Variants in CEP89 observed in about 807,000 individuals in gnomAD.
CEP89 encodes centrosomal protein of 89 kDa.
CEP89 carries 95 observed loss-of-function variants against 97.6 expected under a neutral mutation model. That is an observed-to-expected ratio of 0.97 (90% confidence interval 0.82 to 1.15). The LOEUF (loss-of-function observed/expected upper bound fraction) is 1.15. Ranked by LOEUF, CEP89 falls within the 50% of genes most tolerant of loss-of-function variation. CEP89 has a pLI of 0.00. For synonymous variants in CEP89, 354 were observed against 349.1 expected (o/e 1.01, Z -0.16); for missense variants, 869 against 947.7 (o/e 0.92, Z 1.09).
chr19:32,894,149 A>G (rs1223905837), intron 16 of CEP89, among the ~76,000 whole-genome samples: 1 of 152,184 alleles, frequency 6.6e-6, no homozygotes, highest in Admixed American at 6.5e-5. Flanking sequence ...CAACATAGTG[A>G]AAATCCACTG....
chr19:32,881,923 A>C lies in CEP89; in HGVS notation c.2056T>G (p.Tyr686Asp), dbSNP rs1397447437. 4 of 1,605,278 alleles carry C rather than the reference A, an allele frequency of 2.5e-6. No homozygotes were observed. The highest frequency in any genetic ancestry group is 2.5e-6 in the Non-Finnish European group (3 of 1,177,256). ...TGCAGGTGCCGCATCTCCTGCCGGTACTGGGCTGTCTTGCCGGCGAAGTCC... is the reference window on the plus strand; with the variant it reads ...TGCAGGTGCCGCATCTCCTGCCGGTCCTGGGCTGTCTTGCCGGCGAAGTCC... ...QEDFAGKTAQ[Y>D]RQEMRHLHQV... Residue 686 changes from tyrosine (Y) to aspartate (D), a missense_variant, in exon 18 of 19, where the codon TAC becomes GAC. Physicochemically the swap from Tyr to Asp is radical, Grantham distance 160 (BLOSUM62 -3). Coordinates refer to ENST00000305768, the MANE Select transcript of CEP89 (RefSeq NM_032816.5).
At chr19:32,898,720 A>G (rs1969697497) in intron 16 of CEP89, among the ~76,000 whole-genome samples, 1 of 152,008 alleles carries the variant, frequency 6.6e-6, no homozygotes, top group Non-Finnish European at 1.5e-5. Flanking sequence ...TGTCTCTAGT[A>G]AAAATACAAA....
chr19:32,959,045 A>C (rs200317867), intron 3 of CEP89, among the ~76,000 whole-genome samples: 54 of 43,290 alleles, frequency 1.2e-3, no homozygotes, highest in South Asian at 7.0e-3. Context: ...AACAAACAAA[A>C]CAAAAAAAAA....
rs1969724348 is a variant in CEP89, at chr19:32,899,790, A to T, written c.1875+67T>A. On this transcript the variant is annotated intron_variant, in intron 16 of 18. Transcript: ENST00000305768. ...AAGCTTTTAATAGATCATTTTTTAAAATACTCTTAAAATCACATTTGCATA... is the reference window on the plus strand; with the variant it reads ...AAGCTTTTAATAGATCATTTTTTAATATACTCTTAAAATCACATTTGCATA... The T allele has an allele frequency of 2.1e-6, 3 of 1,460,378 alleles. No individual in the cohort carries two copies. The South Asian group carries it at 3.6e-5, about 18-fold the overall frequency. The allele number at this position is 1,460,378 out of a possible 1,614,324, so 90.5% of individuals were successfully genotyped here.
At chr19:32,902,014 G>T (rs202080752) in intron 14 of CEP89, among the ~76,000 whole-genome samples, 2 of 131,354 alleles carry the variant, frequency 1.5e-5, no homozygotes, top group East Asian at 2.3e-4. Context: ...CTCTCTCTGT[G>T]TGTGTGTGTG....
At chr19:32,942,440 G>A (rs1180809088) in intron 5 of CEP89, among the ~76,000 whole-genome samples, 1 of 152,128 alleles carries the variant, frequency 6.6e-6, no homozygotes, top group Admixed American at 6.6e-5. Context: ...TGGACAAGTG[G>A]GAGTTCATTT....
At chr19:32,925,500 T>G (rs867040153) in intron 11 of CEP89, among the ~76,000 whole-genome samples, 26 of 143,282 alleles carry the variant, frequency 1.8e-4, no homozygotes, top group Admixed American at 3.4e-4. Flanking sequence ...TTTTTTTTTT[T>G]TTTTTTCGAG....
chr19:32,935,917 C>A (rs1036928909), intron 7 of CEP89, among the ~76,000 whole-genome samples: 36 of 152,186 alleles, frequency 2.4e-4, no homozygotes, highest in African/African-American at 8.7e-4. Context: ...CCACTGTGGG[C>A]ACCTGCTCCA....
chr19:32,928,706 C>T (rs1970411721), intron 9 of CEP89, among the ~76,000 whole-genome samples: 1 of 152,104 alleles, frequency 6.6e-6, no homozygotes. Context: ...TCCAAGGAGC[C>T]CCATGCAGAT....
chr19:32,966,213 T>A, intron 2 of CEP89, 147 bp downstream of exon 2: 1 of 422,570 alleles, frequency 2.4e-6, no homozygotes, highest in Non-Finnish European at 4.2e-6. Flanking sequence ...ATTAATTGCA[T>A]CATTATGGAA....
intron 16 of CEP89, among the ~76,000 whole-genome samples, chr19:32,890,062 TA>T (rs1199595176): frequency 2.0e-5 from 3 of 152,086 alleles, no homozygotes; most frequent in African/African-American, 7.2e-5. Context: ...AAGTCACCAG[TA>T]AAGTATGGCC....
chr19:32,955,425 C>A (rs992098268), intron 3 of CEP89, among the ~76,000 whole-genome samples: 2 of 152,146 alleles, frequency 1.3e-5, no homozygotes, highest in African/African-American at 4.8e-5. Context: ...TTGTAGATAA[C>A]CCTGTAATAA....
chr19:32,963,103 C>G (rs1184937003), intron 2 of CEP89, among the ~76,000 whole-genome samples: 1 of 152,206 alleles, frequency 6.6e-6, no homozygotes, highest in African/African-American at 2.4e-5. Flanking sequence ...CGCCTGTAAT[C>G]CCAGCACTTT....
Position 32,879,206 on chromosome 19 carries a change from C to G in CEP89, c.2308G>C (p.Asp770His), listed in dbSNP as rs1427615216. ...VSQADLLDGC[D>H]VCSYDLKSHA... ...GACTTCAGGTCATAGGAGCAGACAT[C>G]GCAGCCGTCCAGCAGGTCTGCCTGA... Residue 770 changes from aspartate (D) to histidine (H), a missense_variant, in exon 19 of 19, where the codon GAT (aspartate) becomes CAT (histidine). Transcript: ENST00000305768. 1 of 1,613,902 alleles carries G rather than the reference C, an allele frequency of 6.2e-7. No homozygotes were observed. Among genetic ancestry groups the G allele is most frequent in the Non-Finnish European group, 8.5e-7 (1 of 1,179,960 alleles).
At chr19:32,932,678 A>G (rs1970499617) in intron 8 of CEP89, among the ~76,000 whole-genome samples, 2 of 152,060 alleles carry the variant, frequency 1.3e-5, no homozygotes, top group Admixed American at 6.6e-5. Context: ...AGTGGCTCAT[A>G]TCTAAAATCC....
At position 32,893,799 on chromosome 19, in the gene CEP89, A is replaced by G. The variant is rs542284387; in HGVS notation, c.1876-5958T>C. On this transcript the variant is annotated intron_variant, in intron 16 of 18. Transcript: ENST00000305768. ...GATTGGGTCAATGAAGAAATTAAGA[A>G]GGGTATCAAAAATTTCTTGAAACAA... Among the ~76,000 whole-genome samples the G allele has an allele frequency of 2.0e-5, 3 of 152,366 alleles. No individual in the cohort carries two copies. The South Asian group carries it at 6.2e-4, about 32-fold the overall frequency.
intron 4 of CEP89, among the ~76,000 whole-genome samples, chr19:32,948,713 T>C (rs1970849480): frequency 1.3e-5 from 2 of 152,044 alleles, no homozygotes; most frequent in African/African-American, 4.8e-5. Flanking sequence ...ACTGACACCA[T>C]GTTACTAGTT....
At chr19:32,943,936 G>A (rs974179984) in intron 5 of CEP89, among the ~76,000 whole-genome samples, 4 of 151,898 alleles carry the variant, frequency 2.6e-5, no homozygotes, top group Non-Finnish European at 1.5e-5. Flanking sequence ...GCTTTGAAAA[G>A]ATGGCTCTGG....
In CEP89 at chr19:32,959,862, A is replaced by T. The variant is rs748985935; in HGVS notation, c.305+38T>A. The T allele has an allele frequency of 5.6e-6, 9 of 1,610,220 alleles. No homozygotes were observed. In the South Asian group the frequency reaches 9.9e-5, roughly 18 times the overall value. On this transcript the variant is annotated intron_variant, in intron 3 of 18. Transcript: ENST00000305768. ...ACCAGGCTGAGCCTGCCCCTCTTCC[A>T]CTCTCAGAGGAAGCAGAGGCGGCGA...
Sources: allele counts gnomAD v4.1 joint callset (sites outside exome capture counted in the v4.1 genomes callset), GRCh38; gene constraint gnomAD v4.1.1; transcripts MANE v1.5; gene names NCBI Gene and HGNC (gene_info 2026-07-23, HGNC 2026-07-21).